CAPS2: variants seen among roughly 807,000 people sequenced by gnomAD.
CAPS2 encodes the protein calcyphosine 2.
In CAPS2, 98 loss-of-function variants were observed where a neutral mutation model predicts 86.5. The ratio of observed to expected loss-of-function variants is 1.13; its 90% CI spans 0.96 to 1.34. The LOEUF is 1.34. Among genes scored for constraint, CAPS2 ranks in the 40% most tolerant of loss-of-function variants. The pLI is 0.00. For synonymous variants in CAPS2, 210 were observed against 225.1 expected, an observed-to-expected ratio of 0.93 and a Z score of 0.60; for missense variants, 729 against 686.8, an observed-to-expected ratio of 1.06 and a Z score of -0.69.
intron 1 of CAPS2, chr12:75,370,251 C>T: frequency 2.6e-6 from 2 of 779,152 alleles, no homozygotes; most frequent in South Asian, 3.1e-5. Context: ...AACTTATCAT[C>T]ACTTTGCTTC....
At chr12:75,367,741 C>T (rs181564720) in intron 1 of CAPS2, among the ~76,000 whole-genome samples, 18 of 152,072 alleles carry the variant, frequency 1.2e-4, no homozygotes, top group Admixed American at 2.0e-4. Context: ...TCATGTCTTC[C>T]GTTAAAAATA....
chr12:75,379,603 T>G (rs574557925), intron 1 of CAPS2, among the ~76,000 whole-genome samples: 2 of 152,288 alleles, frequency 1.3e-5, no homozygotes, highest in East Asian at 3.9e-4. Flanking sequence ...CTACTGAGAA[T>G]AGTTAACTCA....
At chr12:75,295,022 T>G (rs1392393547) in intron 11 of CAPS2, 1 of 152,210 alleles carries the variant, frequency 6.6e-6, no homozygotes, top group Non-Finnish European at 1.5e-5. Context: ...CAGACAGTGT[T>G]TTGTAAATGA....
intron 1 of CAPS2, among the ~76,000 whole-genome samples, chr12:75,349,307 GAAATGATTGA>G (rs1190795289): frequency 6.6e-6 from 1 of 152,122 alleles, no homozygotes; most frequent in Non-Finnish European, 1.5e-5. Flanking sequence ...TCCCACATAA[GAAATGATTGA>G]AAATGATTAT....
chr12:75,362,815 C>A (rs2043695523), intron 1 of CAPS2, among the ~76,000 whole-genome samples: 1 of 152,114 alleles, frequency 6.6e-6, no homozygotes, highest in African/African-American at 2.4e-5. Context: ...ATCATACTAT[C>A]TATGACAAAA....
rs1341795873 is a variant in CAPS2, at chr12:75,316,293, A to C, written c.591+19T>G. ...AAGATTAATGGCTCACCAAATAAGT[A>C]AAAATGCTGACAACTTACTGCATCC... On this transcript the variant is annotated intron_variant, in intron 6 of 16. Transcript: ENST00000393284. 19 of 1,549,638 alleles carry C rather than the reference A, an allele frequency of 1.2e-5. No individual in the cohort carries two copies. Among genetic ancestry groups the C allele is most frequent in the Non-Finnish European group, 1.6e-5 (18 of 1,145,846 alleles).
chr12:75,379,357 T>C (rs899389806), intron 1 of CAPS2, among the ~76,000 whole-genome samples: 11 of 152,186 alleles, frequency 7.2e-5, no homozygotes, highest in African/African-American at 2.7e-4. Context: ...AGCATCTCCA[T>C]CTTATTAGTG....
chr12:75,388,363 T>C (rs2045398923), intron 1 of CAPS2, among the ~76,000 whole-genome samples: 1 of 152,148 alleles, frequency 6.6e-6, no homozygotes, highest in Non-Finnish European at 1.5e-5. Flanking sequence ...AATAGAATAA[T>C]ACACCAATAC....
chr12:75,334,580 A>T (rs1175233634), upstream of CAPS2: 1 of 1,440,630 alleles, frequency 6.9e-7, no homozygotes, highest in Non-Finnish European at 9.1e-7. Flanking sequence ...AGCGACACTG[A>T]CAAGTTGATC....
chr12:75,325,618 T>G (rs539328196), intron 1 of CAPS2, among the ~76,000 whole-genome samples: 12 of 152,214 alleles, frequency 7.9e-5, no homozygotes, highest in Non-Finnish European at 1.3e-4. Context: ...TGTTTTTTTT[T>G]GTTTGTTTTT....
chr12:75,374,998 G>A (rs1024971783), intron 1 of CAPS2, among the ~76,000 whole-genome samples: 2 of 152,156 alleles, frequency 1.3e-5, no homozygotes, highest in African/African-American at 2.4e-5. Flanking sequence ...CACCATCCCT[G>A]TTTCTTTTAA....
At chr12:75,329,095 C>A (rs1038336764), upstream of CAPS2, among the ~76,000 whole-genome samples, 2 of 152,232 alleles carry the variant, frequency 1.3e-5, no homozygotes, top group Non-Finnish European at 1.5e-5. Flanking sequence ...CCAGTTATTG[C>A]AGACCCGAAT....
At chr12:75,297,606 C>T (rs146362337) in intron 11 of CAPS2, among the ~76,000 whole-genome samples, 161 of 152,134 alleles carry the variant, frequency 1.1e-3, no homozygotes, top group African/African-American at 3.6e-3. Flanking sequence ...CTGATCATGC[C>T]ACCTTCCCCC....
chr12:75,384,318 G>C (rs1043910644), intron 1 of CAPS2, among the ~76,000 whole-genome samples: 1 of 151,220 alleles, frequency 6.6e-6, no homozygotes, highest in African/African-American at 2.4e-5. Flanking sequence ...GATGAAGGAA[G>C]GAACATCACT....
chr12:75,386,337 G>T (rs934641057), intron 1 of CAPS2, among the ~76,000 whole-genome samples: 20 of 152,172 alleles, frequency 1.3e-4, no homozygotes, highest in Non-Finnish European at 4.4e-5. Context: ...TTTAAAAAAA[G>T]ATCAATTTCT....
At chr12:75,300,808 G>A (rs796529036) in intron 8 of CAPS2, among the ~76,000 whole-genome samples, 5 of 152,110 alleles carry the variant, frequency 3.3e-5, no homozygotes, top group African/African-American at 9.6e-5. Context: ...AGCCTAGAGC[G>A]GTAACATCAC....
chr12:75,333,913 A>G (rs2041522905), upstream of CAPS2: 1 of 152,210 alleles, frequency 6.6e-6, no homozygotes, highest in Non-Finnish European at 1.5e-5. Context: ...AATTTAAAAC[A>G]TTAAGCCAAA....
intron 13 of CAPS2, among the ~76,000 whole-genome samples, chr12:75,290,945 A>AAAAAAAAC (rs1565790951): frequency 1.6e-4 from 13 of 80,402 alleles, no homozygotes; most frequent in East Asian, 1.5e-3. Context: ...CAAAAAAAAA[A>AAAAAAAAC]CATAAATTAC....
chr12:75,333,271 T>C (rs557426307), upstream of CAPS2, among the ~76,000 whole-genome samples: 1 of 152,294 alleles, frequency 6.6e-6, no homozygotes, highest in African/African-American at 2.4e-5. Flanking sequence ...TATATGTGTA[T>C]ACAAACAGAT....
Sources: gnomAD v4.1 joint callset for allele counts (sites outside exome capture counted in the v4.1 genomes callset) on GRCh38, gnomAD v4.1.1 for gene constraint, MANE v1.5 for transcripts, NCBI Gene and HGNC (gene_info 2026-07-23, HGNC 2026-07-21) for gene names.